Variants in TG observed in about 807,000 individuals in gnomAD.
TG encodes thyroid hormones.
A neutral mutation model predicts 324.7 loss-of-function variants in TG; 270 were observed. The ratio of observed to expected loss-of-function variants is 0.83; its 90% CI spans 0.75 to 0.92. The LOEUF is 0.92. Ranked by LOEUF, TG falls within the 40% of genes least tolerant of loss-of-function variation. TG has a pLI of 0.00. For missense variants in TG, 3,591 were observed against 3,456.4 expected, an observed-to-expected ratio of 1.04 and a Z score of -0.98; for synonymous variants, 1,401 against 1,327.0, an observed-to-expected ratio of 1.06 and a Z score of -1.21.
intron 5 of TG, among the ~76,000 whole-genome samples, chr8:132,878,064 A>G (rs1371759236): frequency 2.6e-5 from 4 of 152,212 alleles, no homozygotes; most frequent in South Asian, 2.1e-4. Flanking sequence ...CAGTCCTAAC[A>G]AATGTGAGGG....
chr8:132,990,508 C>T (rs1320729622), intron 35 of TG, among the ~76,000 whole-genome samples: 1 of 152,012 alleles, frequency 6.6e-6, no homozygotes, highest in Non-Finnish European at 1.5e-5. Flanking sequence ...CAGTGCTACA[C>T]AGCAGTGGGA....
At chr8:133,030,434 T>A (rs1264286471) in intron 41 of TG, among the ~76,000 whole-genome samples, 1 of 152,122 alleles carries the variant, frequency 6.6e-6, no homozygotes, top group Admixed American at 6.5e-5. Flanking sequence ...ATGATGGTGG[T>A]AATGATGATA....
chr8:133,113,234 G>A (rs1457445028), intron 43 of TG, among the ~76,000 whole-genome samples, 188 bp from the exon 44 acceptor site: 1 of 152,162 alleles, frequency 6.6e-6, no homozygotes, highest in Admixed American at 6.5e-5. Flanking sequence ...ATAGCCATTT[G>A]CTTAAGGACA....
At chr8:133,029,692 C>T in intron 40 of TG, 129 bp from the exon 41 acceptor site, 1 of 1,105,158 alleles carries the variant, frequency 9.0e-7, no homozygotes, top group Non-Finnish European at 1.4e-6. Flanking sequence ...CCCACAGTCT[C>T]TACCTGTGAG....
At chr8:133,090,511 G>A (rs757027482) in intron 41 of TG, among the ~76,000 whole-genome samples, 3 of 152,236 alleles carry the variant, frequency 2.0e-5, no homozygotes, top group Admixed American at 6.5e-5. Context: ...TGCATGTAGA[G>A]GCACTTTCCC....
intron 41 of TG, chr8:133,050,166 G>A (rs1840142712): frequency 4.9e-6 from 3 of 617,356 alleles, no homozygotes; most frequent in South Asian, 1.8e-5. Flanking sequence ...TAAAGGATAT[G>A]TGTCCAGTGG....
intron 33 of TG, 31 bp downstream of exon 33, chr8:132,971,904 C>T (rs554090665): frequency 3.9e-5 from 54 of 1,396,356 alleles, no homozygotes; most frequent in Middle Eastern, 3.5e-4. Context: ...CTCTCCCCTG[C>T]GCACAGTACT....
At chr8:132,888,812 A>C (rs2132178867) in intron 10 of TG, among the ~76,000 whole-genome samples, 1 of 152,312 alleles carries the variant, frequency 6.6e-6, no homozygotes, top group African/African-American at 2.4e-5. Flanking sequence ...TGATTACTTC[A>C]ATCAGTGTCT....
At chr8:132,875,948 C>T (rs548436065) in intron 5 of TG, among the ~76,000 whole-genome samples, 110 of 152,228 alleles carry the variant, frequency 7.2e-4, no homozygotes, top group African/African-American at 2.5e-3. Flanking sequence ...AGCTTAGCGA[C>T]TCAGGTTTCT....
chr8:132,973,814 G>T (rs1386978429), intron 34 of TG, among the ~76,000 whole-genome samples: 1 of 152,104 alleles, frequency 6.6e-6, no homozygotes, highest in African/African-American at 2.4e-5. Context: ...GAGAGAGGCT[G>T]AGCAGAGGTT....
Position 132,906,749 on chromosome 8 carries a change from G to C in TG, c.3696G>C (p.Glu1232Asp), listed in dbSNP as rs1179466347. 1.2e-6 allele frequency: 2 copies of C among 1,614,228 alleles called. No homozygotes were observed. The highest frequency in any genetic ancestry group is 1.7e-5 in the Admixed American group (1 of 60,034). Reference sequence around the variant, plus strand: ...TGGTTGGTGGAACAATCCTGTGTGAGACAATCTCGGGCCCCACAGGCTCTG... The same window carrying C: ...TGGTTGGTGGAACAATCCTGTGTGACACAATCTCGGGCCCCACAGGCTCTG... ...SEVVGGTILC[E>D]TISGPTGSAM... Residue 1232 changes from glutamate (E) to aspartate (D), a missense_variant, in exon 17 of 48, where the codon GAG (glutamate) becomes GAC (aspartate). Coordinates refer to ENST00000220616, the MANE Select transcript of TG (RefSeq NM_003235.5).
chr8:133,055,361 GCGCGCACACACA>G (rs1170860359), intron 41 of TG, among the ~76,000 whole-genome samples: 138 of 131,756 alleles, frequency 1.0e-3, no homozygotes, highest in African/African-American at 1.7e-3. Flanking sequence ...ACACACGCAC[GCGCGCACACACA>G]CACACACACA....
At chr8:132,886,376 G>C in intron 8 of TG, 72 bp from the exon 9 acceptor site, 2 of 1,598,858 alleles carry the variant, frequency 1.3e-6, no homozygotes, top group Non-Finnish European at 1.7e-6. Context: ...CTACCTAAAG[G>C]ATCTGAGGAG....
rs142282605 is a variant in TG, at chr8:133,021,125, A to G, written c.6877-866A>G. ...CTAGCTGTGTGATCTCAGGCAAGCC[A>G]TTCAACATGTCTAAGCCTCTGCCTC... On this transcript the variant is annotated intron_variant, in intron 39 of 47. Transcript: ENST00000220616. Among the ~76,000 whole-genome samples the G allele has an allele frequency of 8.6e-3, 1,308 of 152,288 alleles. 15 individuals are homozygous for G. Among genetic ancestry groups the G allele is most frequent in the Middle Eastern group, 0.017 (5 of 294 alleles).
intron 40 of TG, among the ~76,000 whole-genome samples, chr8:133,022,473 A>G (rs1019281031): frequency 3.9e-5 from 6 of 152,208 alleles, no homozygotes; most frequent in Non-Finnish European, 8.8e-5. Flanking sequence ...AAACTGGCTT[A>G]AGACTATACA....
chr8:132,939,676 G>T (rs866314129), intron 25 of TG, among the ~76,000 whole-genome samples: 8,472 of 147,184 alleles, frequency 0.058, 756 homozygotes, highest in African/African-American at 0.19. Context: ...TTTTTTTTTT[G>T]TTTGTTTGTT....
intron 45 of TG, among the ~76,000 whole-genome samples, chr8:133,119,134 A>C (rs886421027): frequency 6.6e-6 from 1 of 152,140 alleles, no homozygotes; most frequent in Non-Finnish European, 1.5e-5. Context: ...TGAGAGAAAA[A>C]AGTTTCAATG....
chr8:132,900,259 A>C lies in TG; in HGVS notation c.3353A>C (p.Gln1118Pro). ...CAGACAGGAGAGTATGCCAGGCTGCAGGCATCGGGGGCTGGCACCTGGTGT... is the reference window on the plus strand; with the variant it reads ...CAGACAGGAGAGTATGCCAGGCTGCCGGCATCGGGGGCTGGCACCTGGTGT... ...CLETGEYARL[Q>P]ASGAGTWCVD... The change falls in exon 15 of 48, where the codon CAG becomes CCG. Residue 1118 changes from glutamine (Q) to proline (P), a missense_variant. By Grantham distance (76) the Gln-to-Pro change is moderately conservative. Coordinates refer to ENST00000220616, the MANE Select transcript of TG (RefSeq NM_003235.5). The C allele has an allele frequency of 6.2e-7, 1 of 1,614,016 alleles. No individual in the cohort carries two copies. Among genetic ancestry groups the C allele is most frequent in the Non-Finnish European group, 8.5e-7 (1 of 1,179,978 alleles).
intron 26 of TG, among the ~76,000 whole-genome samples, chr8:132,947,589 G>A (rs1170006046): frequency 5.3e-5 from 8 of 151,948 alleles, no homozygotes; most frequent in African/African-American, 1.9e-4. Flanking sequence ...CATAAATTAG[G>A]AAATTAGAAT....
Sources: allele counts gnomAD v4.1 joint callset (sites outside exome capture counted in the v4.1 genomes callset), GRCh38; gene constraint gnomAD v4.1.1; transcripts MANE v1.5; gene names NCBI Gene and HGNC (gene_info 2026-07-23, HGNC 2026-07-21).